The following CAMKMT variants were observed in gnomAD, a reference collection of about 807,000 sequenced individuals.
The protein encoded by CAMKMT is CaM KMT.
In CAMKMT, 53 loss-of-function variants were observed where a neutral mutation model predicts 48.0. The ratio of observed to expected loss-of-function variants is 1.10; its 90% confidence interval spans 0.89 to 1.39. The LOEUF (loss-of-function observed/expected upper bound fraction) is 1.39. CAMKMT is among the 40% of genes most tolerant of loss of function. CAMKMT has a pLI of 0.00. For synonymous variants in CAMKMT, 165 were observed against 152.3 expected (o/e 1.08, Z -0.61); for missense variants, 428 against 402.7 (o/e 1.06, Z -0.54).
intron 3 of CAMKMT, among the ~76,000 whole-genome samples, chr2:44,434,317 G>T (rs772004336): frequency 2.6e-5 from 4 of 151,958 alleles, no homozygotes; most frequent in African/African-American, 9.7e-5. Flanking sequence ...CACAGGAAGT[G>T]CATCCGTCTG....
intron 3 of CAMKMT, among the ~76,000 whole-genome samples, chr2:44,680,052 T>A (rs1573060395): frequency 6.6e-6 from 1 of 152,220 alleles, no homozygotes; most frequent in African/African-American, 2.4e-5. Flanking sequence ...AATAGCAGGG[T>A]GCCAGTGTGT....
intron 3 of CAMKMT, among the ~76,000 whole-genome samples, chr2:44,488,286 G>C (rs1201548480): frequency 6.6e-6 from 1 of 152,128 alleles, no homozygotes; most frequent in East Asian, 1.9e-4. Flanking sequence ...ATCACCTGAG[G>C]TCAGGAGTTC....
intron 3 of CAMKMT, among the ~76,000 whole-genome samples, chr2:44,613,223 G>GCAGT (rs1345085627): frequency 6.6e-6 from 1 of 152,156 alleles, no homozygotes; most frequent in Non-Finnish European, 1.5e-5. Context: ...ACTATATGCA[G>GCAGT]CAGTCAGCTG....
In CAMKMT at chr2:44,618,558, A is replaced by C. The variant is rs1413128080; in HGVS notation, c.377-85725A>C. 6.6e-6 allele frequency among the ~76,000 whole-genome samples: 1 copy of C among 152,240 alleles called. No individual in the cohort carries two copies. The highest frequency in any genetic ancestry group is 2.4e-5 in the African/African-American group (1 of 41,466). On this transcript the variant is annotated intron_variant, in intron 3 of 10. Transcript: ENST00000378494. This position sits in a 1 kb window ranked among gnomAD's most constrained non-coding sequence, Gnocchi z 4.0. ...GGTTGGTTTTAAGACAAGTTAAATT[A>C]GCAGTCTTGAAATGATTCCAACTGT...
At chr2:44,708,260 G>C (rs1044742112) in intron 6 of CAMKMT, among the ~76,000 whole-genome samples, 2 of 99,750 alleles carry the variant, frequency 2.0e-5, no homozygotes, top group Admixed American at 1.5e-4. Context: ...TTTACATTAT[G>C]AGGGAGACAA....
Position 44,589,074 on chromosome 2 carries a change from C to T in CAMKMT, c.377-115209C>T, listed in dbSNP as rs1485680798. ...GGTGAGGGGCGCCTCTGCCCGGCCGCCCCTACTGGGAAGTGAGGAGCCCCT... is the reference window on the plus strand; with the variant it reads ...GGTGAGGGGCGCCTCTGCCCGGCCGTCCCTACTGGGAAGTGAGGAGCCCCT... On this transcript the variant is annotated intron_variant, in intron 3 of 10. Transcript: ENST00000378494. Among the ~76,000 whole-genome samples, 36 of 31,682 alleles carry T rather than the reference C, an allele frequency of 1.1e-3. 4 individuals are homozygous for T. The highest frequency in any genetic ancestry group is 4.6e-3 in the Admixed American group (13 of 2,816). The allele number at this position is 31,682 out of a possible 152,430, so 20.8% of individuals were successfully genotyped here.
intron 3 of CAMKMT, among the ~76,000 whole-genome samples, chr2:44,610,803 A>G (rs1671554300): frequency 1.3e-5 from 2 of 152,198 alleles, no homozygotes; most frequent in Admixed American, 1.3e-4. Context: ...AATATTGTAC[A>G]TATTTCAGGG....
At chr2:44,643,676 G>A (rs1375937279) in intron 3 of CAMKMT, among the ~76,000 whole-genome samples, 1 of 152,110 alleles carries the variant, frequency 6.6e-6, no homozygotes, top group African/African-American at 2.4e-5. Flanking sequence ...GAAATATTCT[G>A]TATTTTTCTC....
At chr2:44,604,928 G>C (rs150159598) in intron 3 of CAMKMT, among the ~76,000 whole-genome samples, 1 of 152,192 alleles carries the variant, frequency 6.6e-6, no homozygotes, top group East Asian at 1.9e-4. Context: ...ACCTGAACAA[G>C]TATTTCTTTC....
intron 3 of CAMKMT, among the ~76,000 whole-genome samples, chr2:44,600,820 C>T (rs558497876): frequency 2.6e-5 from 4 of 151,970 alleles, no homozygotes; most frequent in African/African-American, 9.7e-5. Context: ...AAATGTTTTC[C>T]CTTTCTTTTC....
At chr2:44,751,341 C>T (rs922633223) in intron 8 of CAMKMT, among the ~76,000 whole-genome samples, 3 of 152,180 alleles carry the variant, frequency 2.0e-5, no homozygotes, top group Non-Finnish European at 4.4e-5. Flanking sequence ...TGGCTCAGAG[C>T]ACAGACTCTG....
At chr2:44,619,509 A>G (rs1672066088) in intron 3 of CAMKMT, among the ~76,000 whole-genome samples, 2 of 152,182 alleles carry the variant, frequency 1.3e-5, no homozygotes, top group African/African-American at 4.8e-5. Flanking sequence ...GTGTGTGTAT[A>G]TATAAATAAT....
At chr2:44,475,467 G>C (rs569284357) in intron 3 of CAMKMT, among the ~76,000 whole-genome samples, 2 of 152,096 alleles carry the variant, frequency 1.3e-5, no homozygotes, top group Admixed American at 6.5e-5. Flanking sequence ...ACAGGTGCGT[G>C]CCACCACACC....
chr2:44,437,684 A>G (rs538257775), intron 3 of CAMKMT, among the ~76,000 whole-genome samples: 1 of 152,154 alleles, frequency 6.6e-6, no homozygotes. Flanking sequence ...CCCCGTCTCT[A>G]CAATAATTAT....
chr2:44,500,625 T>C (rs1286124620), intron 3 of CAMKMT, among the ~76,000 whole-genome samples: 1 of 152,106 alleles, frequency 6.6e-6, no homozygotes, highest in Non-Finnish European at 1.5e-5. Flanking sequence ...TACTTTGTTT[T>C]GTCACATATT....
chr2:44,493,848 CT>C (rs1669631201), intron 3 of CAMKMT, among the ~76,000 whole-genome samples: 1 of 151,744 alleles, frequency 6.6e-6, no homozygotes, highest in African/African-American at 2.4e-5. Context: ...TGTTTATTTC[CT>C]TCATCAAAAA....
At chr2:44,416,794 C>CT (rs1272693195) in intron 3 of CAMKMT, among the ~76,000 whole-genome samples, 1 of 151,718 alleles carries the variant, frequency 6.6e-6, no homozygotes, top group Non-Finnish European at 1.5e-5. Context: ...AGGCTGGTCT[C>CT]TAACTCCTAA....
intron 3 of CAMKMT, among the ~76,000 whole-genome samples, chr2:44,568,117 C>G (rs956568457): frequency 2.0e-5 from 3 of 152,050 alleles, no homozygotes; most frequent in Admixed American, 6.6e-5. Flanking sequence ...GAGCATAAAT[C>G]TGAAGGATGC....
At chr2:44,545,748 A>G (rs1667361344) in intron 3 of CAMKMT, among the ~76,000 whole-genome samples, 1 of 149,680 alleles carries the variant, frequency 6.7e-6, no homozygotes, top group Non-Finnish European at 1.5e-5. Context: ...TTATGAAGGC[A>G]CAGTTTTAAT....
Sources: gnomAD v4.1 joint callset for allele counts (sites outside exome capture counted in the v4.1 genomes callset) on GRCh38, gnomAD v4.1.1 for gene constraint, Gnocchi (gnomAD v3.1) non-coding constraint, MANE v1.5 for transcripts, NCBI Gene and HGNC (gene_info 2026-07-23, HGNC 2026-07-21) for gene names.